The following STXBP5 variants were observed in gnomAD, a reference collection of about 807,000 sequenced individuals.
The protein encoded by STXBP5 is syntaxin-binding protein 5.
In STXBP5, 50 loss-of-function variants were observed where a neutral mutation model predicts 152.4. The ratio of observed to expected loss-of-function variants is 0.33; its 90% CI spans 0.26 to 0.42. The LOEUF (loss-of-function observed/expected upper bound fraction) is 0.42. STXBP5 is among the 10% of genes least tolerant of loss of function. The pLI is 1.00. For synonymous variants in STXBP5, 492 were observed against 494.7 expected, an observed-to-expected ratio of 0.99 and a Z score of 0.07; for missense variants, 1,167 against 1,388.6, an observed-to-expected ratio of 0.84 and a Z score of 2.54.
At chr6:147,279,181 T>A (rs1780584837) in intron 8 of STXBP5, among the ~76,000 whole-genome samples, 1 of 152,228 alleles carries the variant, frequency 6.6e-6, no homozygotes, top group Non-Finnish European at 1.5e-5. Flanking sequence ...TCTGCATAAG[T>A]AGTACTTAAC....
intron 7 of STXBP5, among the ~76,000 whole-genome samples, chr6:147,271,696 T>C (rs1258289500): frequency 6.6e-6 from 1 of 152,056 alleles, no homozygotes. Flanking sequence ...TTCAAGCGAG[T>C]GGCCTCAGCT....
At chr6:147,383,774 T>C (rs1786210653) in intron 27 of STXBP5, among the ~76,000 whole-genome samples, 1 of 152,076 alleles carries the variant, frequency 6.6e-6, no homozygotes, top group Non-Finnish European at 1.5e-5. Flanking sequence ...GGTAGCTCTT[T>C]TTTAAATTTT....
At chr6:147,240,893 A>G (rs1562431810) in intron 4 of STXBP5, among the ~76,000 whole-genome samples, 1 of 152,210 alleles carries the variant, frequency 6.6e-6, no homozygotes, top group Non-Finnish European at 1.5e-5. Context: ...AGGTATAATC[A>G]CAGCTAAGTC....
At chr6:147,339,567 A>G (rs146285767) in intron 21 of STXBP5, among the ~76,000 whole-genome samples, 183 bp downstream of exon 21, 159 of 151,990 alleles carry the variant, frequency 1.0e-3, no homozygotes, top group East Asian at 2.9e-3. Context: ...AATCAGTTCA[A>G]TTGGGTTGCA....
At chr6:147,379,518 A>G (rs1785975133) in intron 26 of STXBP5, among the ~76,000 whole-genome samples, 1 of 152,198 alleles carries the variant, frequency 6.6e-6, no homozygotes, top group East Asian at 1.9e-4. Flanking sequence ...GTATATATAC[A>G]CATATACACT....
intron 2 of STXBP5, among the ~76,000 whole-genome samples, chr6:147,212,666 A>C (rs1776915970): frequency 1.3e-5 from 2 of 152,192 alleles, no homozygotes; most frequent in Non-Finnish European, 2.9e-5. Flanking sequence ...AAAGAGAATG[A>C]AGTGTTAGAC....
At chr6:147,322,197 C>T (rs1455328776) in intron 16 of STXBP5, among the ~76,000 whole-genome samples, 2 of 152,172 alleles carry the variant, frequency 1.3e-5, no homozygotes, top group African/African-American at 2.4e-5. Flanking sequence ...AGAAGATAGA[C>T]CACTCAGACC....
chr6:147,279,668 A>G (rs2128342513), intron 8 of STXBP5, among the ~76,000 whole-genome samples: 1 of 152,282 alleles, frequency 6.6e-6, no homozygotes, highest in Admixed American at 6.5e-5. Flanking sequence ...ACATCTATTT[A>G]TGAGTGCATC....
chr6:147,311,602 T>C, intron 11 of STXBP5, 75 bp downstream of exon 11: 12 of 1,151,140 alleles, frequency 1.0e-5, no homozygotes, highest in Non-Finnish European at 1.5e-5. Context: ...TAGCATTAGC[T>C]ATTTCATTTC....
chr6:147,360,880 A>G (rs1019474872), intron 23 of STXBP5, among the ~76,000 whole-genome samples: 3 of 152,160 alleles, frequency 2.0e-5, no homozygotes, highest in African/African-American at 7.2e-5. Flanking sequence ...TTGTAAATCT[A>G]TCTCTTGTTT....
intron 9 of STXBP5, among the ~76,000 whole-genome samples, chr6:147,307,413 A>G (rs899868249): frequency 7.2e-5 from 11 of 152,170 alleles, no homozygotes; most frequent in African/African-American, 1.9e-4. Context: ...TTTGTAATTC[A>G]TGTTACCTAG....
chr6:147,208,729 G>C (rs1776697861), intron 2 of STXBP5, among the ~76,000 whole-genome samples: 1 of 152,050 alleles, frequency 6.6e-6, no homozygotes, highest in Non-Finnish European at 1.5e-5. Flanking sequence ...TATGTAATTT[G>C]ACTGATGAAT....
rs138605977 is a variant in STXBP5, at chr6:147,345,652, C to T, written c.2254+6268C>T. 9.9e-5 allele frequency among the ~76,000 whole-genome samples: 15 copies of T among 152,108 alleles called. No homozygotes were observed. In the East Asian group the frequency reaches 2.1e-3, roughly 22 times the overall value. ...TAGTTCTTTTTACCTTTTACCTTTA[C>T]GTTATTTTTTACTATAAATTTCAGA... On this transcript the variant is annotated intron_variant, in intron 21 of 27. Coordinates refer to ENST00000321680, the MANE Select transcript of STXBP5 (RefSeq NM_001127715.4).
chr6:147,324,823 A>G (rs1783152447), intron 16 of STXBP5, 136 bp from the exon 17 acceptor site: 1 of 824,200 alleles, frequency 1.2e-6, no homozygotes, highest in African/African-American at 1.8e-5. Flanking sequence ...CAACTAGGTT[A>G]AATGCTTCTA....
At chr6:147,325,765 C>T (rs987401061) in intron 17 of STXBP5, among the ~76,000 whole-genome samples, 1 of 152,068 alleles carries the variant, frequency 6.6e-6, no homozygotes, top group Non-Finnish European at 1.5e-5. Flanking sequence ...CCTAGGGACT[C>T]ATTCATTTTT....
intron 8 of STXBP5, among the ~76,000 whole-genome samples, chr6:147,288,980 A>G (rs1023570431): frequency 6.6e-6 from 1 of 152,120 alleles, no homozygotes; most frequent in African/African-American, 2.4e-5. Flanking sequence ...ATTCGTACAC[A>G]CGTCCATCTG....
intron 16 of STXBP5, among the ~76,000 whole-genome samples, chr6:147,318,039 T>C (rs1287334100): frequency 6.6e-6 from 1 of 152,158 alleles, no homozygotes; most frequent in South Asian, 2.1e-4. Context: ...ACATACATTA[T>C]CTTCAACAGA....
At chr6:147,225,671 A>T (rs192334532) in intron 2 of STXBP5, among the ~76,000 whole-genome samples, 1 of 152,354 alleles carries the variant, frequency 6.6e-6, no homozygotes, top group Non-Finnish European at 1.5e-5. Flanking sequence ...AGTGGTAGTG[A>T]CGGTAGTGAA....
chr6:147,255,135 C>T (rs534432802), intron 4 of STXBP5, among the ~76,000 whole-genome samples: 2 of 152,096 alleles, frequency 1.3e-5, no homozygotes, highest in South Asian at 4.1e-4. Context: ...ACCATGCAGC[C>T]GTAAAAAAGG....
Sources: allele counts gnomAD v4.1 joint callset (sites outside exome capture counted in the v4.1 genomes callset), GRCh38; gene constraint gnomAD v4.1.1; transcripts MANE v1.5; gene names NCBI Gene and HGNC (gene_info 2026-07-23, HGNC 2026-07-21).